Variants in G6PC2 observed in about 807,000 individuals in gnomAD.
The protein encoded by G6PC2 is glucose-6-phosphatase 2.
G6PC2 carries 41 observed loss-of-function variants against 35.4 expected under a neutral mutation model. That is an observed-to-expected ratio of 1.16 (90% CI 0.90 to 1.50). The LOEUF (loss-of-function observed/expected upper bound fraction) is 1.50. Ranked by LOEUF, G6PC2 falls within the 40% of genes most tolerant of loss-of-function variation. The pLI, the probability that G6PC2 is intolerant of heterozygous loss-of-function variation, is 0.00. For synonymous variants in G6PC2, 165 were observed against 153.2 expected, an observed-to-expected ratio of 1.08 and a Z score of -0.57; for missense variants, 441 against 426.5, an observed-to-expected ratio of 1.03 and a Z score of -0.30.
chr2:168,904,699 C>T (rs1026706579), intron 3 of G6PC2, 83 bp downstream of exon 3: 4 of 794,668 alleles, frequency 5.0e-6, no homozygotes, highest in African/African-American at 1.7e-5. Flanking sequence ...AATTTTAGTG[C>T]AGTTTTAGTC....
Position 168,901,379 on chromosome 2 carries a change from G to T in G6PC2, c.48G>T (p.Gln16His), listed in dbSNP as rs372008743. The change falls in exon 1 of 5, where the codon CAG becomes CAT. Residue 16 changes from glutamine (Q) to histidine (H), a missense_variant. By Grantham distance (24) the Gln-to-His change is conservative (BLOSUM62 0). Transcript: ENST00000375363. ...GAGTGCTCATAATTCAGCATTTGCA[G>T]AAGGACTACCGAGCTTACTACACTT... is the stretch of plus-strand genomic sequence containing the variant. ...RNGVLIIQHL[Q>H]KDYRAYYTFL... The T allele has an allele frequency of 1.9e-5, 31 of 1,606,884 alleles. No homozygotes were observed. In the African/African-American group the frequency reaches 3.9e-4, roughly 20 times the overall value.
At position 168,908,229 on chromosome 2, in the gene G6PC2, C is replaced by G. The variant is rs878878851; in HGVS notation, c.*150C>G. 4.4e-6 allele frequency: 3 copies of G among 676,688 alleles called. No individual in the cohort carries two copies. In the East Asian group the frequency reaches 7.7e-5, roughly 17 times the overall value. 41.9% of individuals were successfully genotyped at this position (676,688 alleles called of 1,614,324 possible). A position where few individuals can be genotyped will look rare whatever the true frequency, so the allele number is the denominator to read the frequency against. On this transcript the variant is annotated 3_prime_UTR_variant, in exon 5 of 5. Coordinates refer to ENST00000375363, the MANE Select transcript of G6PC2 (RefSeq NM_021176.3). Reference sequence around the variant, plus strand: ...TTCCCCATAGAGATGTTTAGTTTGGCCTTCGCACTGGTCTTTTTTTTTAAT... The same window carrying G: ...TTCCCCATAGAGATGTTTAGTTTGGGCTTCGCACTGGTCTTTTTTTTTAAT...
At chr2:168,904,246 T>A (rs553581935) in intron 2 of G6PC2, among the ~76,000 whole-genome samples, 1 of 152,246 alleles carries the variant, frequency 6.6e-6, no homozygotes, top group Admixed American at 6.5e-5. Flanking sequence ...GAGTTCTTAA[T>A]TAGCCTTGAG....
At chr2:168,902,353 G>A in intron 1 of G6PC2, 92 bp from the exon 2 acceptor site, 1 of 721,158 alleles carries the variant, frequency 1.4e-6, no homozygotes, top group South Asian at 1.5e-5. Context: ...CTGCGCTTGA[G>A]TCATTTTTTA....
At position 168,907,851 on chromosome 2, in the gene G6PC2, G is replaced by C. The variant is rs1257597797; in HGVS notation, c.840G>C (p.Leu280=). 1 of 1,613,932 alleles carries C rather than the reference G, an allele frequency of 6.2e-7. No individual in the cohort carries two copies. Among genetic ancestry groups the C allele is most frequent in the African/African-American group, 1.3e-5 (1 of 74,896 alleles). The change falls in exon 5 of 5, where the codon CTG becomes CTC. Residue 280 remains leucine (L), a synonymous_variant. Transcript: ENST00000375363. The part of the protein sequence containing the change: ...GFAINSEMFL[L]SCRGGNNYTL... ...CAATCAACTCAGAGATGTTCCTCCT[G>C]AGCTGCCGAGGGGGAAATAACTACA...
chr2:168,901,451 C>T lies in G6PC2; in HGVS notation c.120C>T (p.Phe40=), dbSNP rs1228304055. The T allele has an allele frequency of 6.3e-7, 1 of 1,598,130 alleles. No individual in the cohort carries two copies. The highest frequency in any genetic ancestry group is 8.6e-7 in the Non-Finnish European group (1 of 1,165,426). The part of the protein sequence containing the change: ...SNVGDPRNIF[F]IYFPLCFQFN... ...TTGGAGACCCCAGGAATATCTTTTTCATTTATTTTCCACTTTGTTTTCAAT... is the reference window on the plus strand; with the variant it reads ...TTGGAGACCCCAGGAATATCTTTTTTATTTATTTTCCACTTTGTTTTCAAT... The change falls in exon 1 of 5, where the codon TTC becomes TTT. Residue 40 remains phenylalanine, a synonymous_variant. Transcript: ENST00000375363.
At chr2:168,906,226 C>T (rs1282344994) in intron 3 of G6PC2, among the ~76,000 whole-genome samples, 2 of 151,728 alleles carry the variant, frequency 1.3e-5, no homozygotes, top group Non-Finnish European at 2.9e-5. Flanking sequence ...ATGGTAGCTG[C>T]GTTTCTACTG....
chr2:168,907,420 T>C, intron 4 of G6PC2, 148 bp from the exon 5 acceptor site: 2 of 836,420 alleles, frequency 2.4e-6, no homozygotes, highest in Admixed American at 3.6e-5. Flanking sequence ...AGTTACTGCC[T>C]AAAAAAGGCT....
intron 3 of G6PC2, among the ~76,000 whole-genome samples, chr2:168,905,913 C>T (rs1427603950): frequency 6.6e-6 from 1 of 151,786 alleles, no homozygotes; most frequent in Non-Finnish European, 1.5e-5. Context: ...AGGAACAAAC[C>T]ATTCAAGGAT....
At chr2:168,903,556 T>C (rs1452999017) in intron 2 of G6PC2, among the ~76,000 whole-genome samples, 1 of 152,164 alleles carries the variant, frequency 6.6e-6, no homozygotes, top group Non-Finnish European at 1.5e-5. Flanking sequence ...CGAAATGTTA[T>C]CGTGGTCAAT....
At chr2:168,902,704 A>G in intron 2 of G6PC2, 150 bp downstream of exon 2, 1 of 658,444 alleles carries the variant, frequency 1.5e-6, no homozygotes, top group East Asian at 2.7e-5. Context: ...CAAAATTACT[A>G]ATGAGGAAGC....
intron 2 of G6PC2, among the ~76,000 whole-genome samples, chr2:168,903,666 T>C (rs955080027): frequency 1.4e-4 from 21 of 152,304 alleles, no homozygotes; most frequent in Admixed American, 1.2e-3. Flanking sequence ...AGATTTACAA[T>C]TTTTTAAGGC....
chr2:168,904,806 C>T (rs888006195), intron 3 of G6PC2, among the ~76,000 whole-genome samples, 190 bp downstream of exon 3: 1 of 152,180 alleles, frequency 6.6e-6, no homozygotes, highest in African/African-American at 2.4e-5. Context: ...CTAATTAGCT[C>T]ATAGCTATTT....
At position 168,907,594 on chromosome 2, in the gene G6PC2, C is replaced by G; in HGVS notation, c.583C>G (p.His195Asp). The G allele has an allele frequency of 6.2e-7, 1 of 1,613,988 alleles. No individual in the cohort carries two copies. Among genetic ancestry groups the G allele is most frequent in the Non-Finnish European group, 8.5e-7 (1 of 1,179,870 alleles). The change falls in exon 5 of 5, where the codon CAC becomes GAC. Residue 195 changes from histidine to aspartate, a missense_variant. Coordinates refer to ENST00000375363, the MANE Select transcript of G6PC2 (RefSeq NM_021176.3). ...CATGCTGGTGGCAGAGGCCTTTGAA[C>G]ACACTCCAGGCATCCAAACGGCCAG... ...GGMLVAEAFEHTPGIQTASLG... is the reference protein window; with the variant it reads ...GGMLVAEAFEDTPGIQTASLG...
chr2:168,904,040 C>T (rs1284161159), intron 2 of G6PC2, among the ~76,000 whole-genome samples: 4 of 151,968 alleles, frequency 2.6e-5, no homozygotes, highest in Non-Finnish European at 5.9e-5. Context: ...GACTTCTCAG[C>T]CCAAGGAAAA....
Position 168,908,146 on chromosome 2 carries a change from A to G in G6PC2, c.*67A>G, listed in dbSNP as rs559301659. The G allele has an allele frequency of 1.5e-6, 2 of 1,291,942 alleles. No homozygotes were observed. Among genetic ancestry groups the G allele is most frequent in the African/African-American group, 1.5e-5 (1 of 68,534 alleles). 80.0% of individuals were successfully genotyped at this position (1,291,942 alleles called of 1,614,324 possible). On this transcript the variant is annotated 3_prime_UTR_variant, in exon 5 of 5. Transcript: ENST00000375363. The stretch of plus-strand genomic sequence containing the variant: ...TCTCCATCCACCAGTAGAGCCACAG[A>G]GTAGGCACAGACCAGAGGCTTCTAA...
chr2:168,903,703 C>T (rs575544080), intron 2 of G6PC2, among the ~76,000 whole-genome samples: 1 of 152,202 alleles, frequency 6.6e-6, no homozygotes, highest in South Asian at 2.1e-4. Flanking sequence ...TCTGAAAATT[C>T]CTGCAGATAA....
chr2:168,902,034 C>G (rs1690608618), intron 1 of G6PC2, among the ~76,000 whole-genome samples: 1 of 152,154 alleles, frequency 6.6e-6, no homozygotes, highest in Non-Finnish European at 1.5e-5. Context: ...CCACGCCAGG[C>G]CAGAAATGTG....
At chr2:168,906,843 G>A in intron 4 of G6PC2, 64 bp downstream of exon 4, 2 of 859,080 alleles carry the variant, frequency 2.3e-6, no homozygotes, top group Non-Finnish European at 4.1e-6. Context: ...ATGTTTAAGG[G>A]TATCAGATTG....
Sources: gnomAD v4.1 joint callset for allele counts (sites outside exome capture counted in the v4.1 genomes callset) on GRCh38, gnomAD v4.1.1 for gene constraint, MANE v1.5 for transcripts, NCBI Gene and HGNC (gene_info 2026-07-23, HGNC 2026-07-21) for gene names.